Variants in ZNF829 observed in about 807,000 individuals in gnomAD.
ZNF829 encodes the protein zinc finger protein 829.
A neutral mutation model predicts 35.2 loss-of-function variants in ZNF829; 25 were observed. The ratio of observed to expected loss-of-function variants is 0.71; its 90% CI spans 0.52 to 0.99. The LOEUF is 0.99. Ranked by LOEUF, ZNF829 falls within the 50% of genes least tolerant of loss-of-function variation. The probability of loss-of-function intolerance (pLI) is 0.00; values close to 1 mark genes in which losing one functional copy is unlikely to be tolerated. For synonymous variants in ZNF829, 136 were observed against 163.2 expected (o/e 0.83, Z 1.27); for missense variants, 417 against 515.3 (o/e 0.81, Z 1.85).
In ZNF829 at chr19:36,916,044, A is replaced by G. The variant is rs1600749823; in HGVS notation, c.-118T>C. On this transcript the variant is annotated 5_prime_UTR_variant, in exon 1 of 6. Coordinates refer to ENST00000391711, the MANE Select transcript of ZNF829 (RefSeq NM_001037232.4). This position sits in a 1 kb window ranked among gnomAD's most constrained non-coding sequence, Gnocchi z 5.3. ...TCTAAGGGTCCCGCCAGGAGTGACG[A>G]AACGTTCGAATTCCTGCGAGAAAAG... is the stretch of plus-strand genomic sequence containing the variant. 5.8e-6 allele frequency: 6 copies of G among 1,034,592 alleles called. No individual in the cohort carries two copies. The highest frequency in any genetic ancestry group is 3.1e-5 in the Admixed American group (1 of 32,570). 64.1% of individuals were successfully genotyped at this position (1,034,592 alleles called of 1,614,324 possible).
chr19:36,908,812 C>T (rs1307803022), intron 3 of ZNF829, among the ~76,000 whole-genome samples: 2 of 152,118 alleles, frequency 1.3e-5, no homozygotes, highest in Admixed American at 1.3e-4. Flanking sequence ...CAGAAGAAAA[C>T]ACAGATCACA....
rs1162731894 is a variant in ZNF829, at chr19:36,889,508, G to A, written c.*1984C>T. 1 of 151,940 alleles carries A rather than the reference G, an allele frequency of 6.6e-6. No homozygotes were observed. The highest frequency in any genetic ancestry group is 1.5e-5 in the Non-Finnish European group (1 of 67,972). The allele number at this position is 151,940 out of a possible 1,614,324, so 9.4% of individuals were successfully genotyped here. On this transcript the variant is annotated 3_prime_UTR_variant, in exon 6 of 6. Transcript: ENST00000391711. ...CTGTTGAGGATTCCTATTTCTCCCT[G>A]GTTCAATCTTGGAAGGTTATGTGTT...
Position 36,916,120 on chromosome 19 carries a change from C to A in ZNF829, c.-194G>T. ...AATGTAGTCCAGAGCGGGACCCACG[C>A]CGATTCCTGTCAGCTCCTCGCCTGG... On this transcript the variant is annotated 5_prime_UTR_variant, in exon 1 of 6. Transcript: ENST00000391711. The surrounding 1 kb of genome is among the most constrained non-coding windows in gnomAD (Gnocchi z 5.3). 1.8e-6 allele frequency: 1 copy of A among 560,410 alleles called. No homozygotes were observed. The highest frequency in any genetic ancestry group is 3.1e-6 in the Non-Finnish European group (1 of 323,924). 34.7% of individuals were successfully genotyped at this position (560,410 alleles called of 1,614,324 possible).
chr19:36,908,455 G>C lies in ZNF829; in HGVS notation c.101C>G (p.Pro34Arg), dbSNP rs76856236. Residue 34 changes from proline to arginine, a missense_variant, in exon 4 of 6, where the codon CCG becomes CGG. Transcript: ENST00000391711. ...DELLQAVSKGPVMFRDVSIDF... is the reference protein window; with the variant it reads ...DELLQAVSKGRVMFRDVSIDF... ...TATGGAAACATCCCTGAACATCACC[G>C]GCCCCTGAAACAACAAACATGCTTT... The C allele has an allele frequency of 3.0e-5, 48 of 1,594,240 alleles. No homozygotes were observed. The East Asian group carries it at 9.7e-4, about 32-fold the overall frequency.
chr19:36,899,886 A>T (rs1035958904), intron 5 of ZNF829, among the ~76,000 whole-genome samples: 17 of 151,542 alleles, frequency 1.1e-4, no homozygotes, highest in African/African-American at 2.4e-4. Flanking sequence ...AATAATTTTT[A>T]AAAAAAGGTT....
intron 5 of ZNF829, chr19:36,901,770 A>G: frequency 1.8e-6 from 1 of 554,652 alleles, no homozygotes; most frequent in Non-Finnish European, 3.3e-6. Flanking sequence ...GGTGGTGAGA[A>G]GAAAAAGGGC....
At chr19:36,915,387 C>T (rs1210971981) in intron 1 of ZNF829, 136 bp from the exon 2 acceptor site, 1 of 1,040,778 alleles carries the variant, frequency 9.6e-7, no homozygotes. Flanking sequence ...GAGCCACACA[C>T]GGCAACACAG....
At chr19:36,893,314 TG>T (rs1325629798) in intron 5 of ZNF829, among the ~76,000 whole-genome samples, 2 of 152,188 alleles carry the variant, frequency 1.3e-5, no homozygotes, top group African/African-American at 4.8e-5. Context: ...TCTGTGATGT[TG>T]ACCTTGGGAG....
At chr19:36,914,217 A>G (rs2073286649) in intron 3 of ZNF829, among the ~76,000 whole-genome samples, 1 of 152,198 alleles carries the variant, frequency 6.6e-6, no homozygotes, top group African/African-American at 2.4e-5. Context: ...CACTAACCAT[A>G]AAGAAAAAAT....
chr19:36,909,379 T>G (rs972634527), intron 3 of ZNF829, among the ~76,000 whole-genome samples: 1 of 152,156 alleles, frequency 6.6e-6, no homozygotes, highest in African/African-American at 2.4e-5. Context: ...ACAAGGCAAT[T>G]TCCTCTGAGA....
intron 5 of ZNF829, among the ~76,000 whole-genome samples, chr19:36,897,489 GAT>G (rs1446140203): frequency 6.6e-6 from 1 of 152,152 alleles, no homozygotes; most frequent in African/African-American, 2.4e-5. Context: ...AGAAACATCT[GAT>G]AAACTTCAAC....
chr19:36,898,837 A>G (rs2073136170), intron 5 of ZNF829, among the ~76,000 whole-genome samples: 1 of 152,224 alleles, frequency 6.6e-6, no homozygotes, highest in South Asian at 2.1e-4. Flanking sequence ...ATCTCTCACC[A>G]TATACAAAAA....
intron 5 of ZNF829, 55 bp downstream of exon 5, chr19:36,907,874 T>C (rs1394580474): frequency 1.4e-6 from 2 of 1,469,998 alleles, no homozygotes; most frequent in Non-Finnish European, 1.9e-6. Flanking sequence ...CCTGATAACA[T>C]CTCAGAAGTA....
At position 36,891,810 on chromosome 19, in the gene ZNF829, CTTACATT is replaced by C. The variant is rs2073056552; in HGVS notation, c.974_980del (p.Glu325GlyfsTer108). On this transcript the variant is annotated frameshift_variant, in exon 6 of 6. Transcript: ENST00000391711. LOFTEE classifies it high-confidence loss of function. ...CACTATTAAAGGCCTTCCCACACTG[CTTACATT>C]CATAAGGTTTCTCACCAGTATGCAT... The C allele has an allele frequency of 6.2e-7, 1 of 1,614,040 alleles. No individual in the cohort carries two copies. Among genetic ancestry groups the C allele is most frequent in the Admixed American group, 1.7e-5 (1 of 60,008 alleles).
chr19:36,897,546 C>T (rs1029178187), intron 5 of ZNF829, among the ~76,000 whole-genome samples: 5 of 152,090 alleles, frequency 3.3e-5, no homozygotes, highest in Admixed American at 3.3e-4. Flanking sequence ...CATTAAAAAA[C>T]ATAACATAAT....
chr19:36,907,809 A>G (rs1422558010), intron 5 of ZNF829, 120 bp downstream of exon 5: 5 of 793,818 alleles, frequency 6.3e-6, no homozygotes, highest in Non-Finnish European at 8.0e-6. Flanking sequence ...ATGAGAAAAA[A>G]AAAAAAAGTG....
At chr19:36,913,669 G>A (rs1164590646) in intron 3 of ZNF829, among the ~76,000 whole-genome samples, 2 of 152,122 alleles carry the variant, frequency 1.3e-5, no homozygotes. Flanking sequence ...AGGAAAGGGG[G>A]AGAGAATGAT....
chr19:36,900,172 ACACACACAC>A (rs1295244881), intron 5 of ZNF829, among the ~76,000 whole-genome samples: 23 of 150,310 alleles, frequency 1.5e-4, no homozygotes, highest in South Asian at 1.3e-3. Context: ...ACACACACAC[ACACACACAC>A]ACACACACAC....
At chr19:36,902,671 AAAT>A (rs1387517296) in intron 5 of ZNF829, among the ~76,000 whole-genome samples, 3 of 151,694 alleles carry the variant, frequency 2.0e-5, no homozygotes, top group Non-Finnish European at 2.9e-5. Flanking sequence ...AAATAAAATA[AAAT>A]AATAAAAACT....
Sources: gnomAD v4.1 joint callset for allele counts (sites outside exome capture counted in the v4.1 genomes callset) on GRCh38, gnomAD v4.1.1 for gene constraint, Gnocchi (gnomAD v3.1) non-coding constraint, MANE v1.5 for transcripts, NCBI Gene and HGNC (gene_info 2026-07-23, HGNC 2026-07-21) for gene names.